Variants in LPIN3 observed in about 807,000 individuals in gnomAD.
LPIN3 encodes the protein phosphatidate phosphatase LPIN3.
Under a neutral mutation model 94.7 loss-of-function variants are expected in LPIN3, and 82 were observed. That is an observed-to-expected ratio of 0.87 (90% CI 0.72 to 1.04). The LOEUF (loss-of-function observed/expected upper bound fraction) is 1.04. Among genes scored for constraint, LPIN3 ranks in the 50% least tolerant of loss-of-function variants. LPIN3 has a pLI of 0.00. For missense variants in LPIN3, 996 were observed against 1,090.5 expected, an observed-to-expected ratio of 0.91 and a Z score of 1.22; for synonymous variants, 418 against 443.3, an observed-to-expected ratio of 0.94 and a Z score of 0.72.
chr20:41,348,391 C>T (rs2045864521), intron 3 of LPIN3, among the ~76,000 whole-genome samples: 1 of 152,214 alleles, frequency 6.6e-6, no homozygotes, highest in Non-Finnish European at 1.5e-5. Flanking sequence ...AGATCAGAGG[C>T]CGATGCCAAG....
intron 2 of LPIN3, among the ~76,000 whole-genome samples, chr20:41,347,275 C>T (rs1476198341): frequency 6.6e-6 from 1 of 152,128 alleles, no homozygotes; most frequent in Non-Finnish European, 1.5e-5. Context: ...ACAAGAAGAC[C>T]GAGACAGTGA....
chr20:41,349,326 AT>A (rs1336513864), intron 5 of LPIN3, among the ~76,000 whole-genome samples, 154 bp downstream of exon 5: 3 of 152,146 alleles, frequency 2.0e-5, no homozygotes, highest in African/African-American at 7.2e-5. Context: ...TCTTTTATTG[AT>A]TTTTTTAAAT....
intron 15 of LPIN3, 46 bp from the exon 16 acceptor site, chr20:41,357,315 G>A: frequency 6.2e-7 from 1 of 1,605,922 alleles, no homozygotes. Flanking sequence ...GCTGGAGCTG[G>A]GCCACGTGGA....
intron 1 of LPIN3, among the ~76,000 whole-genome samples, chr20:41,344,519 G>T (rs2045701245): frequency 6.6e-6 from 1 of 152,246 alleles, no homozygotes; most frequent in Non-Finnish European, 1.5e-5. Flanking sequence ...GCTCTGTAGA[G>T]ATAGGACAGT....
intron 1 of LPIN3, among the ~76,000 whole-genome samples, chr20:41,341,902 A>G (rs920906637): frequency 6.6e-6 from 1 of 152,166 alleles, no homozygotes. Context: ...GCTTGAACCC[A>G]GCAGGCGGAG....
In LPIN3 at chr20:41,357,064, GC is replaced by G. The variant is rs749304178; in HGVS notation, c.1830del (p.Asn611MetfsTer7). On this transcript the variant is annotated frameshift_variant, in exon 15 of 20. Transcript: ENST00000373257. LOFTEE classifies it high-confidence loss of function. ...QIRRLNLQEG[A>X]NDVVFSVTTQ... Reference sequence around the variant, plus strand: ...GCGGCGCCTGAACCTGCAAGAAGGTGCCAATGATGTGGTCTTCAGCGTGACC... The same window carrying G: ...GCGGCGCCTGAACCTGCAAGAAGGTGCAATGATGTGGTCTTCAGCGTGACC... The G allele has an allele frequency of 1.2e-6, 2 of 1,613,744 alleles. No individual in the cohort carries two copies. The highest frequency in any genetic ancestry group is 1.7e-6 in the Non-Finnish European group (2 of 1,179,802).
intron 1 of LPIN3, among the ~76,000 whole-genome samples, chr20:41,344,609 C>G (rs1379675487): frequency 6.6e-6 from 1 of 152,202 alleles, no homozygotes; most frequent in Non-Finnish European, 1.5e-5. Flanking sequence ...GCTGCTGGGG[C>G]AGGCACTGTG....
chr20:41,347,411 C>G, intron 2 of LPIN3, 141 bp from the exon 3 acceptor site: 1 of 708,542 alleles, frequency 1.4e-6, no homozygotes, highest in Non-Finnish European at 2.4e-6. Context: ...AGCAGCCAGG[C>G]ACTTGAGGTC....
At chr20:41,351,744 T>A in intron 7 of LPIN3, 77 bp from the exon 8 acceptor site, 1 of 1,334,516 alleles carries the variant, frequency 7.5e-7, no homozygotes, top group Non-Finnish European at 1.1e-6. Flanking sequence ...CTTAGAGAAT[T>A]CAGAGTCAGA....
rs747268129 is a variant in LPIN3, at chr20:41,348,888, G to A, written c.557+1G>A. 5.0e-6 allele frequency: 8 copies of A among 1,602,204 alleles called. No homozygotes were observed. Among genetic ancestry groups the A allele is most frequent in the Non-Finnish European group, 6.8e-6 (8 of 1,173,974 alleles). ...AAAAGCTGAGGCCAGAGCCCCCAGG[G>A]TGTGTAAGGACCAAGGGACTTGAAC... On this transcript the variant is annotated splice_donor_variant, in intron 4 of 19. Transcript: ENST00000373257. LOFTEE classifies it high-confidence loss of function.
chr20:41,356,950 C>A, intron 14 of LPIN3, 90 bp from the exon 15 acceptor site: 1 of 1,475,864 alleles, frequency 6.8e-7, no homozygotes, highest in Non-Finnish European at 9.3e-7. Flanking sequence ...ATGAGAGGCC[C>A]GAGGGGATCG....
intron 1 of LPIN3, among the ~76,000 whole-genome samples, chr20:41,343,691 G>A (rs999679323): frequency 6.6e-6 from 1 of 152,248 alleles, no homozygotes; most frequent in Non-Finnish European, 1.5e-5. Flanking sequence ...AGAGTAGACT[G>A]TGGACTGGGA....
rs762760386 is a variant in LPIN3, at chr20:41,351,899, C to T, written c.1181C>T (p.Ala394Val). ...DDLPSLDSEN[A>V]ALYFPQSDSG... ...TTGCCCTCCCTGGACTCTGAGAATG[C>T]AGCGCTTTACTTCCCCCAAAGGTGC... is the stretch of plus-strand genomic sequence containing the variant. Residue 394 changes from alanine (A) to valine (V), a missense_variant, in exon 8 of 20, where the codon GCA becomes GTA. Ala to Val is a moderately conservative substitution (Grantham distance 64). Coordinates refer to ENST00000373257, the MANE Select transcript of LPIN3 (RefSeq NM_022896.3). 9.3e-6 allele frequency: 15 copies of T among 1,614,250 alleles called. No individual in the cohort carries two copies. The highest frequency in any genetic ancestry group is 1.3e-5 in the African/African-American group (1 of 75,068).
Position 41,359,101 on chromosome 20 carries a change from T to C in LPIN3, c.*235T>C. ...GCACTGTCCTGGGGCAATTAGCTTG[T>C]CATCTGGGCCCTTGCAGGGTTCTTT... On this transcript the variant is annotated 3_prime_UTR_variant, in exon 20 of 20. Coordinates refer to ENST00000373257, the MANE Select transcript of LPIN3 (RefSeq NM_022896.3). The C allele has an allele frequency of 5.3e-6, 2 of 377,884 alleles. No homozygotes were observed. The highest frequency in any genetic ancestry group is 9.3e-6 in the Non-Finnish European group (2 of 214,374). 23.4% of individuals were successfully genotyped at this position (377,884 alleles called of 1,614,324 possible). A position where few individuals can be genotyped will look rare whatever the true frequency, so the allele number is the denominator to read the frequency against.
intron 14 of LPIN3, 71 bp downstream of exon 14, chr20:41,356,105 C>A (rs1223992931): frequency 3.2e-6 from 5 of 1,562,220 alleles, no homozygotes; most frequent in Non-Finnish European, 3.5e-6. Context: ...CCCTCAGGAC[C>A]TGGCTGAGAA....
intron 16 of LPIN3, 130 bp downstream of exon 16, chr20:41,357,577 GAGA>G: frequency 1.2e-6 from 1 of 808,934 alleles, no homozygotes; most frequent in South Asian, 1.7e-5. Flanking sequence ...CTGGAGTGCT[GAGA>G]CCTCTCTATT....
At chr20:41,354,406 T>C (rs1391450699) in intron 11 of LPIN3, among the ~76,000 whole-genome samples, 1 of 152,140 alleles carries the variant, frequency 6.6e-6, no homozygotes, top group Non-Finnish European at 1.5e-5. Flanking sequence ...GGGTTAGAGC[T>C]AGGGACCGGG....
intron 13 of LPIN3, 128 bp from the exon 14 acceptor site, chr20:41,355,768 G>A: frequency 8.2e-7 from 1 of 1,214,002 alleles, no homozygotes; most frequent in Non-Finnish European, 1.2e-6. Flanking sequence ...GCACCTAGAG[G>A]GAGGGATCAC....
chr20:41,354,119 C>T (rs532621006), intron 11 of LPIN3, among the ~76,000 whole-genome samples: 1 of 152,272 alleles, frequency 6.6e-6, no homozygotes, highest in South Asian at 2.1e-4. Flanking sequence ...TAGCATAGAT[C>T]TAATCAGCAT....
Sources: gnomAD v4.1 joint callset for allele counts (sites outside exome capture counted in the v4.1 genomes callset) on GRCh38, gnomAD v4.1.1 for gene constraint, MANE v1.5 for transcripts, NCBI Gene and HGNC (gene_info 2026-07-23, HGNC 2026-07-21) for gene names.